Variants in LIMD1 observed in about 807,000 individuals in gnomAD.
LIMD1 encodes the protein LIM domain containing 1.
LIMD1 carries 23 observed loss-of-function variants against 58.4 expected under a neutral mutation model. That is an observed-to-expected ratio of 0.39 (90% CI 0.28 to 0.56). The LOEUF (loss-of-function observed/expected upper bound fraction) is 0.56, where lower values mean the gene tolerates loss of function less well. Ranked by LOEUF, LIMD1 falls within the 20% of genes least tolerant of loss-of-function variation. The pLI, the probability that LIMD1 is intolerant of heterozygous loss-of-function variation, is 0.57. For synonymous variants in LIMD1, 334 were observed against 345.5 expected (o/e 0.97, Z 0.37); for missense variants, 838 against 855.5 (o/e 0.98, Z 0.25).
intron 1 of LIMD1, among the ~76,000 whole-genome samples, chr3:45,615,171 G>A (rs1701564888): frequency 6.6e-6 from 1 of 152,158 alleles, no homozygotes; most frequent in Non-Finnish European, 1.5e-5. Context: ...ACATACATGT[G>A]TTTATATGAG....
At chr3:45,640,851 C>T (rs1701834603) in intron 2 of LIMD1, among the ~76,000 whole-genome samples, 2 of 152,218 alleles carry the variant, frequency 1.3e-5, no homozygotes, top group Admixed American at 1.3e-4. Context: ...AAAGTGAGTG[C>T]AGGGGCATTG....
Position 45,679,374 on chromosome 3 carries a change from C to T in LIMD1, c.*2315C>T, listed in dbSNP as rs1697711136. The T allele has an allele frequency of 6.6e-6, 1 of 152,196 alleles. No individual in the cohort carries two copies. The highest frequency in any genetic ancestry group is 2.1e-4 in the South Asian group (1 of 4,830). 9.4% of individuals were successfully genotyped at this position (152,196 alleles called of 1,614,324 possible). A position where few individuals can be genotyped will look rare whatever the true frequency, so the allele number is the denominator to read the frequency against. ...TAGGAATCTCCAATCAGTTGTTTTT[C>T]TCTTCGCTTCAGGCCCTTACACAAA... On this transcript the variant is annotated 3_prime_UTR_variant, in exon 8 of 8. Transcript: ENST00000273317.
chr3:45,616,954 C>T (rs1030711515), intron 1 of LIMD1, among the ~76,000 whole-genome samples: 13 of 151,538 alleles, frequency 8.6e-5, no homozygotes, highest in Non-Finnish European at 1.6e-4. Flanking sequence ...AGGCTGGTCT[C>T]GAACTCCTGA....
At chr3:45,629,224 C>T (rs4472076) in intron 1 of LIMD1, among the ~76,000 whole-genome samples, 48,113 of 151,496 alleles carry the variant, frequency 0.32, 8,207 homozygotes, top group South Asian at 0.53. Flanking sequence ...CCAGCCTGAC[C>T]AACATGGTGA....
In LIMD1 at chr3:45,668,356, G is replaced by A; in HGVS notation, c.1641G>A (p.Met547Ile). The change falls in exon 4 of 8, where the codon ATG (methionine) becomes ATA (isoleucine). Residue 547 changes from methionine (M) to isoleucine (I), a missense_variant and splice_region_variant. By Grantham distance (10) the Met-to-Ile change is conservative. Transcript: ENST00000273317. ...TTTGTGGACATCTGATCATGGACAT[G>A]GTGAGTAGGTCAGCCAAAGAAGAGA... ...CFLCGHLIMD[M>I]ILQALGKSYH... is the part of the protein sequence containing the mutation. The A allele has an allele frequency of 6.2e-7, 1 of 1,611,846 alleles. No individual in the cohort carries two copies.
chr3:45,669,027 A>G (rs1697558178), intron 4 of LIMD1, among the ~76,000 whole-genome samples: 1 of 152,162 alleles, frequency 6.6e-6, no homozygotes, highest in African/African-American at 2.4e-5. Context: ...AAGCCAGAGG[A>G]GCAAAGTTGT....
intron 1 of LIMD1, among the ~76,000 whole-genome samples, chr3:45,608,860 AAGG>A (rs1701494312): frequency 2.7e-5 from 4 of 148,022 alleles, no homozygotes; most frequent in Admixed American, 6.8e-5. Flanking sequence ...AAAAAAAAAG[AAGG>A]AGAATGAAGA....
At chr3:45,628,415 C>T (rs144764431) in intron 1 of LIMD1, among the ~76,000 whole-genome samples, 1 of 152,306 alleles carries the variant, frequency 6.6e-6, no homozygotes, top group East Asian at 1.9e-4. Context: ...CACACAACAT[C>T]AGTTACTAGA....
Position 45,648,032 on chromosome 3 carries a change from G to A in LIMD1, c.1510+11781G>A, listed in dbSNP as rs566091122. Among the ~76,000 whole-genome samples the A allele has an allele frequency of 2.0e-5, 3 of 152,222 alleles. No homozygotes were observed. In the East Asian group the frequency reaches 5.8e-4, roughly 29 times the overall value. ...GCACCCTTCATTTGCCTGTCCTATG[G>A]TGTTTTCAATTATGATTAGATTGAA... On this transcript the variant is annotated intron_variant, in intron 2 of 7. Coordinates refer to ENST00000273317, the MANE Select transcript of LIMD1 (RefSeq NM_014240.3).
chr3:45,672,316 T>C (rs1054768441), intron 4 of LIMD1, among the ~76,000 whole-genome samples: 1 of 152,180 alleles, frequency 6.6e-6, no homozygotes, highest in African/African-American at 2.4e-5. Flanking sequence ...TTGCATCGTT[T>C]CCCACTTCTT....
chr3:45,671,614 C>T lies in LIMD1; in HGVS notation c.1642-1076C>T, dbSNP rs866958208. The stretch of plus-strand genomic sequence containing the variant: ...TTCAACTGCAAATTATAGAAAAAAC[C>T]CAGACTCAGTTCGAGTTAAACCAAT... On this transcript the variant is annotated intron_variant, in intron 4 of 7. Transcript: ENST00000273317. 4.5e-4 allele frequency among the ~76,000 whole-genome samples: 68 copies of T among 152,166 alleles called. No homozygotes were observed. The Middle Eastern group carries it at 0.01, about 23-fold the overall frequency.
intron 2 of LIMD1, among the ~76,000 whole-genome samples, chr3:45,644,488 C>T (rs1283157015): frequency 6.6e-6 from 1 of 152,204 alleles, no homozygotes. Flanking sequence ...TCTAGCTTAC[C>T]GTGGGCCTGA....
At chr3:45,610,789 A>G (rs1292096498) in intron 1 of LIMD1, among the ~76,000 whole-genome samples, 1 of 152,190 alleles carries the variant, frequency 6.6e-6, no homozygotes, top group African/African-American at 2.4e-5. Flanking sequence ...GCCACGTGCA[A>G]CTGTGAAGTA....
At chr3:45,657,517 G>A (rs957297497) in intron 2 of LIMD1, among the ~76,000 whole-genome samples, 47 of 122,558 alleles carry the variant, frequency 3.8e-4, no homozygotes, top group African/African-American at 1.1e-3. Flanking sequence ...AGAGCAAGAC[G>A]CTGTCTCAAA....
intron 2 of LIMD1, among the ~76,000 whole-genome samples, chr3:45,658,567 T>G (rs1054243930): frequency 9.3e-5 from 11 of 118,494 alleles, no homozygotes; most frequent in African/African-American, 4.1e-4. Flanking sequence ...TTTTTTTTTT[T>G]GAGACTGAGT....
At chr3:45,664,517 G>A (rs1437551983) in intron 2 of LIMD1, among the ~76,000 whole-genome samples, 1 of 152,162 alleles carries the variant, frequency 6.6e-6, no homozygotes, top group East Asian at 1.9e-4. Context: ...GAGGGCTGGG[G>A]GAAACATTCA....
intron 1 of LIMD1, among the ~76,000 whole-genome samples, chr3:45,623,319 G>T (rs1038564430): frequency 1.7e-4 from 26 of 152,214 alleles, no homozygotes; most frequent in Admixed American, 1.1e-3. Context: ...GGGCTGCCCT[G>T]GCGATAGCTG....
chr3:45,595,387 G>A lies in LIMD1; in HGVS notation c.508G>A (p.Asp170Asn), dbSNP rs775470657. The part of the protein sequence containing the change: ...SAFHQPGPCE[D>N]PSCLTHGDYY... ...TTTCCACCAGCCAGGCCCCTGTGAG[G>A]ATCCTTCCTGCCTCACTCATGGAGA... The change falls in exon 1 of 8, where the codon GAT (aspartate) becomes AAT (asparagine). Residue 170 changes from aspartate (D) to asparagine (N), a missense_variant. Coordinates refer to ENST00000273317, the MANE Select transcript of LIMD1 (RefSeq NM_014240.3). 6.2e-7 allele frequency: 1 copy of A among 1,613,886 alleles called. No homozygotes were observed. The highest frequency in any genetic ancestry group is 8.5e-7 in the Non-Finnish European group (1 of 1,180,034).
chr3:45,646,707 T>TTTG (rs1553645194), intron 2 of LIMD1, among the ~76,000 whole-genome samples: 1 of 150,856 alleles, frequency 6.6e-6, no homozygotes. Flanking sequence ...TTTTTTTTTT[T>TTTG]GAGACAGTCT....
Sources: gnomAD v4.1 joint callset for allele counts (sites outside exome capture counted in the v4.1 genomes callset) on GRCh38, gnomAD v4.1.1 for gene constraint, MANE v1.5 for transcripts, NCBI Gene and HGNC (gene_info 2026-07-23, HGNC 2026-07-21) for gene names.